FAM177A1: variants seen among roughly 807,000 people sequenced by gnomAD.
FAM177A1 encodes the protein family with sequence similarity 177 member A1.
Under a neutral mutation model 26.1 loss-of-function variants are expected in FAM177A1, and 22 were observed. The ratio of observed to expected loss-of-function variants is 0.84; its 90% CI spans 0.60 to 1.20. The LOEUF is 1.20. Ranked by LOEUF, FAM177A1 falls within the 50% of genes most tolerant of loss-of-function variation. FAM177A1 has a pLI of 0.00. For synonymous variants in FAM177A1, 95 were observed against 99.3 expected, an observed-to-expected ratio of 0.96 and a Z score of 0.26; for missense variants, 296 against 291.1, an observed-to-expected ratio of 1.02 and a Z score of -0.12.
chr14:35,048,515 G>GTAC (rs1214075744), intron 1 of FAM177A1, among the ~76,000 whole-genome samples: 2 of 150,654 alleles, frequency 1.3e-5, no homozygotes, highest in African/African-American at 4.9e-5. Context: ...TTAAGTTTTG[G>GTAC]TGTAGTCTCT....
At chr14:35,074,223 C>A (rs1389354493) in intron 2 of FAM177A1, among the ~76,000 whole-genome samples, 3 of 152,216 alleles carry the variant, frequency 2.0e-5, no homozygotes, top group African/African-American at 7.2e-5. Context: ...TGGCTCACTG[C>A]AACCTCCGCC....
Position 35,059,601 on chromosome 14 carries a change from C to T in FAM177A1, c.339+6150C>T, listed in dbSNP as rs545955787. On this transcript the variant is annotated intron_variant, in intron 2 of 4. Coordinates refer to ENST00000280987, the MANE Select transcript of FAM177A1 (RefSeq NM_173607.5). ...CCAGGCTGGAGTGCAGTGGCGCAAT[C>T]TCGGCTCACTGCAACCTCTGCCTCC... Among the ~76,000 whole-genome samples, 9 of 146,612 alleles carry T rather than the reference C, an allele frequency of 6.1e-5. No individual in the cohort carries two copies. The East Asian group carries it at 1.8e-3, about 30-fold the overall frequency.
chr14:35,070,729 G>T (rs2045308466), intron 2 of FAM177A1, among the ~76,000 whole-genome samples: 3 of 152,100 alleles, frequency 2.0e-5, no homozygotes, highest in African/African-American at 7.2e-5. Flanking sequence ...CTTCCTAAAT[G>T]ATTATATTTT....
intron 2 of FAM177A1, among the ~76,000 whole-genome samples, chr14:35,076,377 G>A (rs2045395797): frequency 6.6e-6 from 1 of 151,852 alleles, no homozygotes; most frequent in African/African-American, 2.4e-5. Context: ...TCACTCTTAG[G>A]TGGGAATTGA....
chr14:35,053,547 A>C, intron 2 of FAM177A1, 96 bp downstream of exon 2: 1 of 1,024,728 alleles, frequency 9.8e-7, no homozygotes, highest in Non-Finnish European at 1.5e-6. Flanking sequence ...TTGAGGTTTA[A>C]ATCAACTATA....
At chr14:35,055,931 G>T (rs1192248639) in intron 2 of FAM177A1, among the ~76,000 whole-genome samples, 1 of 152,112 alleles carries the variant, frequency 6.6e-6, no homozygotes, top group African/African-American at 2.4e-5. Context: ...TTATTTCATT[G>T]TCGTTTTGAT....
At chr14:35,080,915 T>C (rs12434485) in intron 4 of FAM177A1, 107 bp from the exon 5 acceptor site, 198,515 of 1,050,124 alleles carry the variant, frequency 0.19, 2,850 homozygotes, top group East Asian at 0.31. Context: ...CATGACACTT[T>C]TTTTTTTTTT....
chr14:35,066,639 A>C lies in FAM177A1; in HGVS notation c.340-10511A>C, dbSNP rs371682710. On this transcript the variant is annotated intron_variant, in intron 2 of 4. Transcript: ENST00000280987. ...AGGCTGGTCTCAAACTCCTGACCTC[A>C]AGTGATCTGCCCGCCTCAGCCTCCC... 1.5e-4 allele frequency among the ~76,000 whole-genome samples: 23 copies of C among 151,798 alleles called. No homozygotes were observed. In the East Asian group the frequency reaches 4.3e-3, roughly 28 times the overall value.
At chr14:35,068,043 T>C (rs1281522239) in intron 2 of FAM177A1, among the ~76,000 whole-genome samples, 2 of 152,238 alleles carry the variant, frequency 1.3e-5, no homozygotes, top group East Asian at 3.8e-4. Flanking sequence ...ATCCCATTAG[T>C]CTGGTTTTGG....
chr14:35,048,102 G>A (rs2044902993), intron 1 of FAM177A1, among the ~76,000 whole-genome samples: 1 of 152,034 alleles, frequency 6.6e-6, no homozygotes, highest in Admixed American at 6.6e-5. Context: ...CTTAAGAAGG[G>A]GATTCAGGGG....
chr14:35,065,144 C>G (rs2045221375), intron 2 of FAM177A1, among the ~76,000 whole-genome samples: 2 of 151,278 alleles, frequency 1.3e-5, no homozygotes, highest in Admixed American at 1.3e-4. Context: ...GGTTTTATTT[C>G]CCTTAAATAA....
chr14:35,068,113 G>T (rs935859009), intron 2 of FAM177A1, among the ~76,000 whole-genome samples: 1 of 152,174 alleles, frequency 6.6e-6, no homozygotes, highest in East Asian at 1.9e-4. Context: ...CCAATGTTAT[G>T]TAGTTTTCCC....
At chr14:35,073,877 T>G (rs1255822831) in intron 2 of FAM177A1, among the ~76,000 whole-genome samples, 1 of 152,192 alleles carries the variant, frequency 6.6e-6, no homozygotes, top group Non-Finnish European at 1.5e-5. Context: ...TTTTTCAGAA[T>G]AGGGCACTTT....
At chr14:35,062,878 C>CA (rs201265030) in intron 2 of FAM177A1, among the ~76,000 whole-genome samples, 385 of 140,974 alleles carry the variant, frequency 2.7e-3, no homozygotes, top group South Asian at 4.0e-3. Context: ...ATTTTATTTG[C>CA]GGTTTTTTTT....
intron 2 of FAM177A1, among the ~76,000 whole-genome samples, chr14:35,059,179 C>A (rs929884229): frequency 6.6e-6 from 1 of 152,072 alleles, no homozygotes; most frequent in African/African-American, 2.4e-5. Context: ...CCTGCCTCGG[C>A]CTCCCAAAAT....
In FAM177A1 at chr14:35,046,599, G is replaced by C. The variant is rs765650226; in HGVS notation, c.136G>C (p.Ala46Pro). The change falls in exon 1 of 5, where the codon GCC (alanine) becomes CCC (proline). Residue 46 changes from alanine to proline, a missense_variant. Coordinates refer to ENST00000280987, the MANE Select transcript of FAM177A1 (RefSeq NM_173607.5). ...EAVAASGAAA[A>P]AAFGESAGQM... ...CGTCGCAGCCTCGGGAGCTGCGGCC[G>C]CCGCGGCATTCGGGGAATCTGCAGG... 1 of 1,553,386 alleles carries C rather than the reference G, an allele frequency of 6.4e-7. No homozygotes were observed. Among genetic ancestry groups the C allele is most frequent in the Non-Finnish European group, 8.7e-7 (1 of 1,150,168 alleles).
At chr14:35,045,938 A>T (rs944384161), upstream of FAM177A1, 5 of 152,238 alleles carry the variant, frequency 3.3e-5, no homozygotes, top group African/African-American at 1.2e-4. Context: ...ACTGTCACCC[A>T]CGTTTGGAAT....
intron 2 of FAM177A1, among the ~76,000 whole-genome samples, chr14:35,068,010 C>T (rs1326437943): frequency 6.6e-6 from 1 of 152,114 alleles, no homozygotes; most frequent in Non-Finnish European, 1.5e-5. Flanking sequence ...TTTTACTGTG[C>T]AGAAGCTTTT....
At chr14:35,053,550 C>A in intron 2 of FAM177A1, 99 bp downstream of exon 2, 2 of 981,482 alleles carry the variant, frequency 2.0e-6, no homozygotes, top group East Asian at 2.5e-5. Flanking sequence ...AGGTTTAAAT[C>A]AACTATATTC....
Sources: allele counts gnomAD v4.1 joint callset (sites outside exome capture counted in the v4.1 genomes callset), GRCh38; gene constraint gnomAD v4.1.1; transcripts MANE v1.5; gene names NCBI Gene and HGNC (gene_info 2026-07-23, HGNC 2026-07-21).